Variants in ALOX5 observed in about 807,000 individuals in gnomAD.
ALOX5 encodes the protein arachidonate 5-lipoxygenase, also known as polyunsaturated fatty acid 5-lipoxygenase.
ALOX5 carries 64 observed loss-of-function variants against 87.9 expected under a neutral mutation model. The ratio of observed to expected loss-of-function variants is 0.73; its 90% confidence interval spans 0.60 to 0.90. The LOEUF (loss-of-function observed/expected upper bound fraction) is 0.90. Ranked by LOEUF, ALOX5 falls within the 40% of genes least tolerant of loss-of-function variation. The pLI, the probability that ALOX5 is intolerant of heterozygous loss-of-function variation, is 0.00. For synonymous variants in ALOX5, 388 were observed against 355.1 expected (o/e 1.09, Z -1.04); for missense variants, 822 against 907.5 (o/e 0.91, Z 1.21).
chr10:45,430,505 C>G (rs1356578967), intron 7 of ALOX5, among the ~76,000 whole-genome samples: 2 of 151,726 alleles, frequency 1.3e-5, no homozygotes, highest in African/African-American at 2.4e-5. Context: ...TGGTGGTACA[C>G]AACTGTAGTC....
intron 2 of ALOX5, among the ~76,000 whole-genome samples, chr10:45,392,936 G>A (rs1426162500): frequency 6.6e-6 from 1 of 152,120 alleles, no homozygotes; most frequent in Non-Finnish European, 1.5e-5. Context: ...ACCAATAACA[G>A]GCTCTGAAAT....
chr10:45,384,045 A>T (rs920297507), intron 2 of ALOX5, among the ~76,000 whole-genome samples: 6 of 152,214 alleles, frequency 3.9e-5, no homozygotes, highest in African/African-American at 1.4e-4. Flanking sequence ...ACAAAGGGGC[A>T]TCACAAAGGT....
chr10:45,385,523 T>A (rs1237519400), intron 2 of ALOX5, among the ~76,000 whole-genome samples: 2 of 152,218 alleles, frequency 1.3e-5, no homozygotes. Flanking sequence ...TTTTTGAAAC[T>A]TGGCATGTTG....
intron 2 of ALOX5, among the ~76,000 whole-genome samples, chr10:45,395,117 A>G (rs1299607256): frequency 6.6e-6 from 1 of 152,226 alleles, no homozygotes; most frequent in Non-Finnish European, 1.5e-5. Context: ...TATATACCCA[A>G]AGGATTATAA....
chr10:45,399,332 A>G (rs547452721), intron 3 of ALOX5, among the ~76,000 whole-genome samples: 2 of 152,370 alleles, frequency 1.3e-5, no homozygotes, highest in South Asian at 2.1e-4. Context: ...TAAAGGATAC[A>G]GTGTTCCTTT....
At chr10:45,392,660 C>T (rs35745197) in intron 2 of ALOX5, among the ~76,000 whole-genome samples, 10,107 of 151,312 alleles carry the variant, frequency 0.067, 461 homozygotes, top group East Asian at 0.18. Flanking sequence ...TGTCCTATGA[C>T]CCTGCCAAAT....
At chr10:45,411,980 T>A (rs1308920793) in intron 3 of ALOX5, among the ~76,000 whole-genome samples, 2 of 152,230 alleles carry the variant, frequency 1.3e-5, no homozygotes, top group African/African-American at 2.4e-5. Context: ...CCCACTCTGA[T>A]GCTCAGGGCA....
At chr10:45,387,384 G>A (rs1840046223) in intron 2 of ALOX5, among the ~76,000 whole-genome samples, 2 of 152,124 alleles carry the variant, frequency 1.3e-5, no homozygotes, top group Admixed American at 1.3e-4. Context: ...GCTCTCACAG[G>A]CAACACTAAA....
At chr10:45,428,916 C>T (rs954350841) in intron 7 of ALOX5, 152 bp downstream of exon 7, 7 of 1,050,970 alleles carry the variant, frequency 6.7e-6, no homozygotes, top group African/African-American at 6.4e-5. Flanking sequence ...TCCATAGGGG[C>T]GGAGAGGGTT....
At position 45,440,616 on chromosome 10, in the gene ALOX5, G is replaced by A. The variant is rs1293181293; in HGVS notation, c.1168G>A (p.Val390Met). The change falls in exon 8 of 14, where the codon GTG becomes ATG. Residue 390 changes from valine to methionine, a missense_variant. Val to Met is a conservative substitution (Grantham distance 21, BLOSUM62 1). Coordinates refer to ENST00000374391, the MANE Select transcript of ALOX5 (RefSeq NM_000698.5). The stretch of plus-strand genomic sequence containing the variant: ...TGCAATGTACCGCCAGCTGCCTGCT[G>A]TGCACCCCATTTTCAAGGTACAGCC... ...GIAMYRQLPAVHPIFKLLVAH... is the reference protein window; with the variant it reads ...GIAMYRQLPAMHPIFKLLVAH... 2 of 1,614,010 alleles carry A rather than the reference G, an allele frequency of 1.2e-6. No individual in the cohort carries two copies. The highest frequency in any genetic ancestry group is 8.5e-7 in the Non-Finnish European group (1 of 1,180,028).
At chr10:45,424,755 G>A (rs1401152902) in intron 5 of ALOX5, among the ~76,000 whole-genome samples, 2 of 152,196 alleles carry the variant, frequency 1.3e-5, no homozygotes, top group Non-Finnish European at 2.9e-5. Context: ...TCTGAGCCAC[G>A]AAGGGCCAGC....
intron 2 of ALOX5, among the ~76,000 whole-genome samples, chr10:45,383,228 C>G (rs545132243): frequency 6.6e-6 from 1 of 152,276 alleles, no homozygotes. Flanking sequence ...TCTCACCTTT[C>G]GCTGAAAGAA....
At chr10:45,437,069 T>C (rs1842082113) in intron 7 of ALOX5, among the ~76,000 whole-genome samples, 1 of 152,212 alleles carries the variant, frequency 6.6e-6, no homozygotes, top group African/African-American at 2.4e-5. Flanking sequence ...TACTGATTTT[T>C]AGGCCAGGCA....
chr10:45,437,509 A>G (rs1046119152), intron 7 of ALOX5, among the ~76,000 whole-genome samples: 1 of 152,146 alleles, frequency 6.6e-6, no homozygotes, highest in African/African-American at 2.4e-5. Context: ...TGTGCTAATA[A>G]CTTTTTGTTA....
intron 1 of ALOX5, among the ~76,000 whole-genome samples, chr10:45,375,242 A>AG (rs1438492672): frequency 6.6e-6 from 1 of 152,064 alleles, no homozygotes; most frequent in Non-Finnish European, 1.5e-5. Context: ...TGAGGACGCG[A>AG]GGGAGCCCTC....
At chr10:45,420,983 C>T (rs1258533075) in intron 4 of ALOX5, among the ~76,000 whole-genome samples, 1 of 152,238 alleles carries the variant, frequency 6.6e-6, no homozygotes, top group African/African-American at 2.4e-5. Context: ...GCCTGGGCCA[C>T]AGTTTGGCAC....
At chr10:45,392,083 T>TG (rs1349970414) in intron 2 of ALOX5, among the ~76,000 whole-genome samples, 8 of 143,916 alleles carry the variant, frequency 5.6e-5, no homozygotes, top group South Asian at 2.2e-4. Context: ...GAGAGGGAGG[T>TG]GGGGGGGTCA....
In ALOX5 at chr10:45,425,943, C is replaced by T. The variant is rs1841688435; in HGVS notation, c.834+811C>T. 6.6e-6 allele frequency among the ~76,000 whole-genome samples: 1 copy of T among 152,162 alleles called. No individual in the cohort carries two copies. The highest frequency in any genetic ancestry group is 6.5e-5 in the Admixed American group (1 of 15,278). On this transcript the variant is annotated intron_variant, in intron 6 of 13. Transcript: ENST00000374391. The surrounding 1 kb of genome is among the most constrained non-coding windows in gnomAD (Gnocchi z 4.4). ...TAAACCTACAGCCCCAGTACCTGGC[C>T]CACCTGAATCTAGAGGGCCACCCAC... is the stretch of plus-strand genomic sequence containing the variant.
chr10:45,379,734 C>A (rs897927990), intron 1 of ALOX5, among the ~76,000 whole-genome samples: 8 of 152,086 alleles, frequency 5.3e-5, no homozygotes, highest in African/African-American at 1.7e-4. Context: ...GGTGTCATTT[C>A]ATTTTCTCAA....
Sources: gnomAD v4.1 joint callset for allele counts (sites outside exome capture counted in the v4.1 genomes callset) on GRCh38, gnomAD v4.1.1 for gene constraint, Gnocchi (gnomAD v3.1) non-coding constraint, MANE v1.5 for transcripts, NCBI Gene and HGNC (gene_info 2026-07-23, HGNC 2026-07-21) for gene names.